BANK1: variants seen among roughly 807,000 people sequenced by gnomAD.
The protein encoded by BANK1 is B cell scaffold protein with ankyrin repeats 1.
In BANK1, 95 loss-of-function variants were observed where a neutral mutation model predicts 94.5. The observed-to-expected ratio is 1.00, with a 90% CI of 0.85 to 1.19. The LOEUF is 1.19. Ranked by LOEUF, BANK1 falls within the 50% of genes most tolerant of loss-of-function variation. The probability of loss-of-function intolerance (pLI) is 0.00; values close to 1 mark genes in which losing one functional copy is unlikely to be tolerated. For missense variants in BANK1, 987 were observed against 932.2 expected, an observed-to-expected ratio of 1.06 and a Z score of -0.77; for synonymous variants, 334 against 308.4, an observed-to-expected ratio of 1.08 and a Z score of -0.87.
intron 7 of BANK1, among the ~76,000 whole-genome samples, chr4:101,931,168 T>A (rs1723326717): frequency 6.6e-6 from 1 of 151,558 alleles, no homozygotes; most frequent in African/African-American, 2.4e-5. Context: ...ATAGTTAATT[T>A]TAGGTACCTA....
chr4:102,031,959 T>C (rs1037463127), intron 10 of BANK1, among the ~76,000 whole-genome samples: 6 of 151,950 alleles, frequency 3.9e-5, no homozygotes, highest in Admixed American at 1.3e-4. Context: ...TAGGAAACTA[T>C]AGCAAATTAA....
chr4:101,874,994 A>C (rs758392064), intron 5 of BANK1, among the ~76,000 whole-genome samples: 3 of 152,210 alleles, frequency 2.0e-5, no homozygotes, highest in Non-Finnish European at 4.4e-5. Flanking sequence ...GGTGGAGCAA[A>C]TTGGCAGAAT....
At chr4:101,870,717 T>C (rs989664221) in intron 5 of BANK1, 73 bp downstream of exon 5, 2 of 1,492,130 alleles carry the variant, frequency 1.3e-6, no homozygotes, top group South Asian at 1.4e-5. Flanking sequence ...GGATTCATGC[T>C]TTGGTATAAG....
chr4:102,024,893 G>A (rs1294320060), intron 8 of BANK1, among the ~76,000 whole-genome samples: 1 of 152,020 alleles, frequency 6.6e-6, no homozygotes, highest in Non-Finnish European at 1.5e-5. Context: ...AAAATGCAAG[G>A]ATGCTATCAA....
At chr4:102,043,703 T>A (rs1453703374) in intron 10 of BANK1, 136 bp from the exon 11 acceptor site, 1 of 516,096 alleles carries the variant, frequency 1.9e-6, no homozygotes, top group East Asian at 2.8e-5. Context: ...ATAATCTTCC[T>A]ACTCAAAAGT....
chr4:101,903,941 C>T (rs537246878), intron 6 of BANK1, among the ~76,000 whole-genome samples: 1 of 152,120 alleles, frequency 6.6e-6, no homozygotes, highest in Admixed American at 6.5e-5. Context: ...TAAAATTTCT[C>T]GAGTGGTGGC....
Position 101,811,079 on chromosome 4 carries a change from C to G in BANK1, c.71-18729C>G, listed in dbSNP as rs188128228. ...AAGTCACCTAACTAAAATTAAAGAG[C>G]TTTTAAATGACAGGGTCAGGACTGT... On this transcript the variant is annotated intron_variant, in intron 1 of 16. Transcript: ENST00000322953. Among the ~76,000 whole-genome samples the G allele has an allele frequency of 2.4e-4, 37 of 152,232 alleles. No homozygotes were observed. In the East Asian group the frequency reaches 5.2e-3, roughly 21 times the overall value.
At chr4:101,853,155 A>G (rs1275620647) in intron 2 of BANK1, among the ~76,000 whole-genome samples, 1 of 152,206 alleles carries the variant, frequency 6.6e-6, no homozygotes, top group Non-Finnish European at 1.5e-5. Context: ...ATTTCAAACA[A>G]GACTAGTACT....
At chr4:101,933,996 C>T (rs1201438879) in intron 7 of BANK1, among the ~76,000 whole-genome samples, 2 of 151,376 alleles carry the variant, frequency 1.3e-5, no homozygotes, top group Non-Finnish European at 3.0e-5. Flanking sequence ...GGTGTCTGAA[C>T]GCATATTTCA....
At chr4:101,807,290 C>G (rs1262624134) in intron 1 of BANK1, among the ~76,000 whole-genome samples, 1 of 151,902 alleles carries the variant, frequency 6.6e-6, no homozygotes. Flanking sequence ...ATATCACTGC[C>G]GTAGATAAGA....
intron 3 of BANK1, among the ~76,000 whole-genome samples, chr4:101,861,024 G>A (rs924452070): frequency 6.6e-6 from 1 of 152,200 alleles, no homozygotes; most frequent in Non-Finnish European, 1.5e-5. Context: ...GGCCCTGTGA[G>A]GAGGAGGTTG....
At chr4:102,037,130 G>A (rs944857976) in intron 10 of BANK1, among the ~76,000 whole-genome samples, 1 of 152,136 alleles carries the variant, frequency 6.6e-6, no homozygotes, top group African/African-American at 2.4e-5. Flanking sequence ...TTCTTAACTG[G>A]CAGTGATTTG....
chr4:102,061,211 A>G (rs1188392719), intron 12 of BANK1, among the ~76,000 whole-genome samples: 1 of 152,228 alleles, frequency 6.6e-6, no homozygotes, highest in Non-Finnish European at 1.5e-5. Context: ...TTTGTTTAAA[A>G]GACGATGCTT....
At chr4:101,791,382 G>A (rs1307504397) in intron 1 of BANK1, among the ~76,000 whole-genome samples, 4 of 152,182 alleles carry the variant, frequency 2.6e-5, no homozygotes, top group Non-Finnish European at 2.9e-5. Flanking sequence ...TACCTGCCCG[G>A]CCTGACAAAT....
In BANK1 at chr4:101,825,857, A is replaced by G. The variant is rs1019587111; in HGVS notation, c.71-3951A>G. Among the ~76,000 whole-genome samples, 35 of 152,184 alleles carry G rather than the reference A, an allele frequency of 2.3e-4. No individual in the cohort carries two copies. In the Middle Eastern group the frequency reaches 0.01, roughly 44 times the overall value. On this transcript the variant is annotated intron_variant, in intron 1 of 16. Coordinates refer to ENST00000322953, the MANE Select transcript of BANK1 (RefSeq NM_017935.5). ...CAAATAAAAAGGCTCAATTTTCAAC[A>G]TAAGTAAAAATGCATCTAGAGTATT...
intron 6 of BANK1, among the ~76,000 whole-genome samples, chr4:101,904,636 G>T (rs578226091): frequency 6.6e-6 from 1 of 152,038 alleles, no homozygotes; most frequent in African/African-American, 2.4e-5. Context: ...TTCATGCATT[G>T]TATGTTGACT....
rs562794410 is a variant in BANK1 at position 102,010,032 on chromosome 4, T to G, written c.1207-11482T>G. Among the ~76,000 whole-genome samples the G allele has an allele frequency of 7.9e-5, 12 of 152,254 alleles. No individual in the cohort carries two copies. In the South Asian group the frequency reaches 2.3e-3, roughly 29 times the overall value. ...CTGTAATCCCAGCACTTTGGGAGGCTAAGGTGGGCAGATCACGAAGTCAGG... is the reference window on the plus strand; with the variant it reads ...CTGTAATCCCAGCACTTTGGGAGGCGAAGGTGGGCAGATCACGAAGTCAGG... On this transcript the variant is annotated intron_variant, in intron 7 of 16. Coordinates refer to ENST00000322953, the MANE Select transcript of BANK1 (RefSeq NM_017935.5).
intron 11 of BANK1, among the ~76,000 whole-genome samples, chr4:102,057,983 C>T (rs1462841275): frequency 1.3e-5 from 2 of 151,906 alleles, no homozygotes; most frequent in Admixed American, 6.6e-5. Context: ...AAAATTTTAA[C>T]GTGTATATAA....
intron 6 of BANK1, among the ~76,000 whole-genome samples, chr4:101,911,823 C>T (rs1344335741): frequency 6.6e-6 from 1 of 152,168 alleles, no homozygotes; most frequent in East Asian, 1.9e-4. Flanking sequence ...CTGCACTGAA[C>T]TGTCTGTGCT....
Sources: allele counts gnomAD v4.1 joint callset (sites outside exome capture counted in the v4.1 genomes callset), GRCh38; gene constraint gnomAD v4.1.1; transcripts MANE v1.5; gene names NCBI Gene and HGNC (gene_info 2026-07-23, HGNC 2026-07-21).